The following FRMD5 variants were observed in gnomAD, a reference collection of about 807,000 sequenced individuals.
FRMD5 encodes FERM domain-containing protein 5.
FRMD5 carries 20 observed loss-of-function variants against 69.0 expected under a neutral mutation model. The ratio of observed to expected loss-of-function variants is 0.29; its 90% CI spans 0.20 to 0.42. FRMD5 has a LOEUF of 0.42. FRMD5 is among the 10% of genes least tolerant of loss of function. FRMD5 has a pLI of 1.00. For missense variants in FRMD5, 595 were observed against 708.6 expected (o/e 0.84, Z 1.82); for synonymous variants, 271 against 260.1 (o/e 1.04, Z -0.40).
intron 1 of FRMD5, among the ~76,000 whole-genome samples, chr15:44,192,831 A>C (rs890867653): frequency 6.6e-6 from 1 of 152,210 alleles, no homozygotes; most frequent in African/African-American, 2.4e-5. Flanking sequence ...AAAAATCACA[A>C]TGCACAATCA....
chr15:44,000,347 C>T (rs1890156425), intron 1 of FRMD5, among the ~76,000 whole-genome samples: 1 of 151,996 alleles, frequency 6.6e-6, no homozygotes, highest in Non-Finnish European at 1.5e-5. Flanking sequence ...GTTTCCATTT[C>T]TTGGCTATTG....
intron 1 of FRMD5, among the ~76,000 whole-genome samples, chr15:44,111,667 G>A (rs766284382): frequency 2.6e-5 from 4 of 152,110 alleles, no homozygotes; most frequent in Non-Finnish European, 4.4e-5. Context: ...AGCAAGAAGC[G>A]TCTTGTTTCT....
chr15:43,999,834 A>G (rs1256349961), intron 1 of FRMD5, among the ~76,000 whole-genome samples: 1 of 151,288 alleles, frequency 6.6e-6, no homozygotes, highest in East Asian at 1.9e-4. Context: ...ACACACACAT[A>G]TACAATGGAA....
intron 1 of FRMD5, among the ~76,000 whole-genome samples, chr15:44,110,882 C>T (rs565448798): frequency 6.6e-6 from 1 of 152,284 alleles, no homozygotes; most frequent in African/African-American, 2.4e-5. Context: ...AAGTGCTTGC[C>T]TATTATTGCC....
At chr15:44,030,022 C>T (rs1039321039) in intron 1 of FRMD5, among the ~76,000 whole-genome samples, 1 of 152,134 alleles carries the variant, frequency 6.6e-6, no homozygotes, top group African/African-American at 2.4e-5. Flanking sequence ...AGTGAACAAA[C>T]AAATCACAAA....
chr15:44,070,306 T>C (rs1430884162), intron 1 of FRMD5, among the ~76,000 whole-genome samples: 1 of 151,602 alleles, frequency 6.6e-6, no homozygotes, highest in African/African-American at 2.4e-5. Flanking sequence ...AAAACCTTAT[T>C]TATAAAATAA....
At chr15:44,075,846 T>C (rs533884284) in intron 1 of FRMD5, among the ~76,000 whole-genome samples, 1 of 152,316 alleles carries the variant, frequency 6.6e-6, no homozygotes, top group Non-Finnish European at 1.5e-5. Flanking sequence ...AAAAGCTCTA[T>C]GATTGCCATT....
intron 1 of FRMD5, among the ~76,000 whole-genome samples, chr15:44,013,822 TGAG>T (rs887326158): frequency 4.6e-5 from 7 of 151,096 alleles, no homozygotes; most frequent in Non-Finnish European, 8.8e-5. Context: ...TAGATGATGA[TGAG>T]GAGGAGTGAT....
intron 12 of FRMD5, among the ~76,000 whole-genome samples, chr15:43,884,230 G>A (rs1455043505): frequency 6.6e-6 from 1 of 152,162 alleles, no homozygotes; most frequent in East Asian, 1.9e-4. Flanking sequence ...CCTTCCCAGA[G>A]GCAAAGGCTG....
At chr15:44,080,595 G>A (rs1418690786) in intron 1 of FRMD5, among the ~76,000 whole-genome samples, 1 of 152,086 alleles carries the variant, frequency 6.6e-6, no homozygotes, top group African/African-American at 2.4e-5. Flanking sequence ...GGAGTCTTCA[G>A]ACATAGGAGT....
At chr15:44,029,943 T>G (rs1891606644) in intron 1 of FRMD5, among the ~76,000 whole-genome samples, 2 of 152,226 alleles carry the variant, frequency 1.3e-5, no homozygotes, top group Non-Finnish European at 2.9e-5. Flanking sequence ...TTATATATTT[T>G]TTGAGTATGG....
At chr15:43,927,764 A>G (rs1956075395) in intron 1 of FRMD5, among the ~76,000 whole-genome samples, 2 of 152,044 alleles carry the variant, frequency 1.3e-5, no homozygotes, top group Admixed American at 6.6e-5. Flanking sequence ...TGTTTTTCAC[A>G]AACACTACTA....
chr15:43,983,383 C>T (rs931272707), intron 1 of FRMD5, among the ~76,000 whole-genome samples: 3 of 152,170 alleles, frequency 2.0e-5, no homozygotes, highest in African/African-American at 7.2e-5. Context: ...ACTTTTCTGG[C>T]ACCCTAAGTT....
intron 1 of FRMD5, among the ~76,000 whole-genome samples, chr15:44,030,314 A>C (rs1891625689): frequency 6.6e-6 from 1 of 152,180 alleles, no homozygotes. Flanking sequence ...CAGATTATGA[A>C]GAGCAGAATC....
In FRMD5 at chr15:43,943,809, G is replaced by T. The variant is rs187391406; in HGVS notation, c.103-19500C>A. ...CTGACACCTTGATTTCAAACTTCTA[G>T]TTTCCAGAACTATGACAGAATAAAT... On this transcript the variant is annotated intron_variant, in intron 1 of 13. Coordinates refer to ENST00000417257, the MANE Select transcript of FRMD5 (RefSeq NM_032892.5). Among the ~76,000 whole-genome samples the T allele has an allele frequency of 1.6e-4, 25 of 152,344 alleles. 1 individual carries two copies. The East Asian group carries it at 4.8e-3, about 29-fold the overall frequency.
intron 1 of FRMD5, among the ~76,000 whole-genome samples, chr15:44,023,092 G>T (rs1479539536): frequency 6.6e-6 from 1 of 152,102 alleles, no homozygotes; most frequent in Admixed American, 6.5e-5. Flanking sequence ...TGCAAAAATA[G>T]GGGCAAGGGG....
chr15:44,022,074 T>A (rs1406208087), intron 1 of FRMD5, among the ~76,000 whole-genome samples: 1 of 152,010 alleles, frequency 6.6e-6, no homozygotes, highest in Non-Finnish European at 1.5e-5. Flanking sequence ...TTACATGAGG[T>A]ACACTCAGTA....
chr15:43,996,588 A>G (rs1191880108), intron 1 of FRMD5, among the ~76,000 whole-genome samples: 1 of 151,338 alleles, frequency 6.6e-6, no homozygotes, highest in African/African-American at 2.4e-5. Flanking sequence ...CTGTGAGGTG[A>G]TGAGTGCTAT....
At chr15:44,078,422 T>C (rs925153114) in intron 1 of FRMD5, among the ~76,000 whole-genome samples, 4 of 152,126 alleles carry the variant, frequency 2.6e-5, no homozygotes, top group African/African-American at 9.7e-5. Context: ...AGTAAAAGTA[T>C]GTTACTGTCC....
Sources: gnomAD v4.1 joint callset for allele counts (sites outside exome capture counted in the v4.1 genomes callset) on GRCh38, gnomAD v4.1.1 for gene constraint, MANE v1.5 for transcripts, NCBI Gene and HGNC (gene_info 2026-07-23, HGNC 2026-07-21) for gene names.